Variants in HAVCR1 observed in about 807,000 individuals in gnomAD.
HAVCR1 encodes hepatitis A virus cellular receptor 1.
Under a neutral mutation model 32.0 loss-of-function variants are expected in HAVCR1, and 34 were observed. The ratio of observed to expected loss-of-function variants is 1.06; its 90% CI spans 0.81 to 1.42. The LOEUF is 1.42. Among genes scored for constraint, HAVCR1 ranks in the 40% most tolerant of loss-of-function variants. The pLI, the probability that HAVCR1 is intolerant of heterozygous loss-of-function variation, is 0.00. For synonymous variants in HAVCR1, 178 were observed against 170.3 expected, an observed-to-expected ratio of 1.05 and a Z score of -0.35; for missense variants, 420 against 442.3, an observed-to-expected ratio of 0.95 and a Z score of 0.45.
intron 2 of HAVCR1, among the ~76,000 whole-genome samples, chr5:157,057,412 AAAGAAAGAAAGAAAG>A (rs1756253089): frequency 7.4e-6 from 1 of 134,770 alleles, no homozygotes; most frequent in Non-Finnish European, 1.7e-5. Context: ...AGAAAGAAAG[AAAGAAAGAAAGAAAG>A]AAAGAAAGAA....
chr5:157,057,003 C>A (rs541363222), intron 2 of HAVCR1, among the ~76,000 whole-genome samples: 1 of 151,568 alleles, frequency 6.6e-6, no homozygotes, highest in Non-Finnish European at 1.5e-5. Context: ...CCCAGGAGGT[C>A]GAGGTTGCAG....
At position 157,029,425 on chromosome 5, in the gene HAVCR1, T is replaced by C; in HGVS notation, c.*308A>G. ...TTTCCAGGGACTATTCTCTTTGATGTATACAGGATTTATGGGGTCTAAAAA... is the reference window on the plus strand; with the variant it reads ...TTTCCAGGGACTATTCTCTTTGATGCATACAGGATTTATGGGGTCTAAAAA... On this transcript the variant is annotated 3_prime_UTR_variant, in exon 9 of 9. Coordinates refer to ENST00000523175, the MANE Select transcript of HAVCR1 (RefSeq NM_001173393.3). 1.7e-6 allele frequency: 1 copy of C among 602,086 alleles called. No individual in the cohort carries two copies. Among genetic ancestry groups the C allele is most frequent in the Non-Finnish European group, 2.9e-6 (1 of 342,248 alleles). 37.3% of individuals were successfully genotyped at this position (602,086 alleles called of 1,614,324 possible). A position where few individuals can be genotyped will look rare whatever the true frequency, so the allele number is the denominator to read the frequency against.
intron 5 of HAVCR1, among the ~76,000 whole-genome samples, chr5:157,047,458 G>A (rs12520950): frequency 0.013 from 1,928 of 152,172 alleles, 14 homozygotes; most frequent in African/African-American, 0.022. Flanking sequence ...AGCTGAGGCA[G>A]GAGAATTGCT....
chr5:157,052,571 T>C lies in HAVCR1; in HGVS notation c.463A>G (p.Thr155Ala). ...GTTGGAACAGTCGTCATTGGAACAG[T>C]CGTTGTCGTTGGAACAGTGGTGCTC... is the stretch of plus-strand genomic sequence containing the variant. Reference protein sequence around the residue: ...RTSTTVPTTTTVPMTTVPTTT... With the variant: ...RTSTTVPTTTAVPMTTVPTTT... Residue 155 changes from threonine (T) to alanine (A), a missense_variant, in exon 4 of 9, where the codon ACT (threonine) becomes GCT (alanine). Coordinates refer to ENST00000523175, the MANE Select transcript of HAVCR1 (RefSeq NM_001173393.3). 7.6e-7 allele frequency: 1 copy of C among 1,315,290 alleles called. No individual in the cohort carries two copies. Among genetic ancestry groups the C allele is most frequent in the East Asian group, 2.4e-5 (1 of 41,522 alleles). 81.5% of individuals were successfully genotyped at this position (1,315,290 alleles called of 1,614,324 possible).
chr5:157,032,763 G>A lies in HAVCR1; in HGVS notation c.986+91C>T, dbSNP rs563153494. On this transcript the variant is annotated intron_variant, in intron 8 of 8. Coordinates refer to ENST00000523175, the MANE Select transcript of HAVCR1 (RefSeq NM_001173393.3). ...TGGACTGTCAGGATCCAAGGTATGCGATGGAGAGTTTAGGAGAGAGACAGA... is the reference window on the plus strand; with the variant it reads ...TGGACTGTCAGGATCCAAGGTATGCAATGGAGAGTTTAGGAGAGAGACAGA... The A allele has an allele frequency of 2.3e-5, 18 of 790,256 alleles. 2 individuals are homozygous for A. The highest frequency in any genetic ancestry group is 2.3e-4 in the Middle Eastern group (1 of 4,436). 49.0% of individuals were successfully genotyped at this position (790,256 alleles called of 1,614,324 possible). A position where few individuals can be genotyped will look rare whatever the true frequency, so the allele number is the denominator to read the frequency against.
chr5:157,067,974 G>A, the HAVCR1 span, among the ~76,000 whole-genome samples: 5 of 148,540 alleles, frequency 3.4e-5, no homozygotes, highest in South Asian at 7.2e-4. Context: ...CACCACTCCC[G>A]GTGAGCAAGA....
chr5:157,056,334 C>G (rs918111237), intron 2 of HAVCR1, among the ~76,000 whole-genome samples: 1 of 151,410 alleles, frequency 6.6e-6, no homozygotes, highest in Non-Finnish European at 1.5e-5. Context: ...TCTATGCTAG[C>G]ATTCTTTTAA....
intron 5 of HAVCR1, among the ~76,000 whole-genome samples, chr5:157,044,613 A>AAGAAAGAAAGAAAGAAAGAAAGAG (rs1561591081): frequency 3.9e-5 from 1 of 25,544 alleles, no homozygotes; most frequent in African/African-American, 9.7e-5. Context: ...GAAAGAAAGA[A>AAGAAAGAAAGAAAGAAAGAAAGAG]AGAGAAAGAA....
At chr5:157,044,582 AGAAG>A (rs1358343419) in intron 5 of HAVCR1, among the ~76,000 whole-genome samples, 2 of 78,232 alleles carry the variant, frequency 2.6e-5, no homozygotes, top group African/African-American at 6.1e-5. Flanking sequence ...AGACAAAGAA[AGAAG>A]GAAAGAAAGA....
intron 6 of HAVCR1, among the ~76,000 whole-genome samples, chr5:157,038,032 A>AT (rs70984427): frequency 0.21 from 32,429 of 151,600 alleles, 4,131 homozygotes; most frequent in Admixed American, 0.32. Flanking sequence ...AGAAAAAAAA[A>AT]TTGTTTATAT....
At position 157,058,252 on chromosome 5, in the gene HAVCR1, G is replaced by GT. The variant is rs202228419; in HGVS notation, c.-12-298dup. 1.2e-3 allele frequency: 327 copies of GT among 282,754 alleles called. 5 individuals are homozygous for GT. In the East Asian group the frequency reaches 0.022, roughly 19 times the overall value. The allele number at this position is 282,754 out of a possible 1,614,324, so 17.5% of individuals were successfully genotyped here. ...AACTGACTCCTGGTCCTGATACAGGGTATCAGGGGAACAAACAAAAAGGAA... is the reference window on the plus strand; with the variant it reads ...AACTGACTCCTGGTCCTGATACAGGGTTATCAGGGGAACAAACAAAAAGGAA... On this transcript the variant is annotated intron_variant, in intron 1 of 8. Coordinates refer to ENST00000523175, the MANE Select transcript of HAVCR1 (RefSeq NM_001173393.3).
At chr5:157,055,590 G>A in intron 2 of HAVCR1, 57 bp from the exon 3 acceptor site, 3 of 1,102,000 alleles carry the variant, frequency 2.7e-6, no homozygotes, top group Non-Finnish European at 1.3e-6. Context: ...TCTTGGCTGG[G>A]CACAATGGCT....
intron 6 of HAVCR1, among the ~76,000 whole-genome samples, chr5:157,041,784 C>T (rs1036612196): frequency 3.3e-5 from 5 of 151,442 alleles, no homozygotes; most frequent in African/African-American, 4.9e-5. Flanking sequence ...CGGGCCCGGG[C>T]GCGGTGGCTC....
chr5:157,049,317 C>A (rs1247498398), intron 4 of HAVCR1, among the ~76,000 whole-genome samples, 172 bp from the exon 5 acceptor site: 1 of 152,234 alleles, frequency 6.6e-6, no homozygotes, highest in African/African-American at 2.4e-5. Flanking sequence ...CTGAACCTTT[C>A]GGCTCCTCTT....
intron 4 of HAVCR1, among the ~76,000 whole-genome samples, chr5:157,051,673 G>C (rs1469303914): frequency 1.3e-5 from 2 of 152,128 alleles, no homozygotes; most frequent in African/African-American, 2.4e-5. Context: ...TGGGACTAGA[G>C]GCATGCACCA....
chr5:157,053,165 C>A (rs931977562), intron 3 of HAVCR1, among the ~76,000 whole-genome samples: 11 of 151,744 alleles, frequency 7.2e-5, no homozygotes, highest in African/African-American at 2.4e-4. Context: ...GGTGGGTGGA[C>A]TACTTCAGCT....
At position 157,042,683 on chromosome 5, in the gene HAVCR1, C is replaced by T; in HGVS notation, c.782-1G>A. The stretch of plus-strand genomic sequence containing the variant: ...GACTCTGTCACGGTGTCATTCCCAT[C>T]TACTCAACAAGAAGGAAATTTAATT... On this transcript the variant is annotated splice_acceptor_variant, in intron 5 of 8. Coordinates refer to ENST00000523175, the MANE Select transcript of HAVCR1 (RefSeq NM_001173393.3). LOFTEE classifies it high-confidence loss of function. The T allele has an allele frequency of 6.4e-7, 1 of 1,559,856 alleles. No homozygotes were observed. Among genetic ancestry groups the T allele is most frequent in the Non-Finnish European group, 8.8e-7 (1 of 1,132,750 alleles).
At chr5:157,066,739 T>C in the HAVCR1 span, among the ~76,000 whole-genome samples, 1 of 152,094 alleles carries the variant, frequency 6.6e-6, no homozygotes, top group Non-Finnish European at 1.5e-5. Flanking sequence ...GGCACATATG[T>C]CTGGGGAAAC....
At chr5:157,065,183 G>T in the HAVCR1 span, among the ~76,000 whole-genome samples, 2 of 152,134 alleles carry the variant, frequency 1.3e-5, no homozygotes, top group Non-Finnish European at 2.9e-5. Flanking sequence ...GCCAGGCGTG[G>T]TGGCAGGTGC....
Sources: gnomAD v4.1 joint callset for allele counts (sites outside exome capture counted in the v4.1 genomes callset) on GRCh38, gnomAD v4.1.1 for gene constraint, MANE v1.5 for transcripts, NCBI Gene and HGNC (gene_info 2026-07-23, HGNC 2026-07-21) for gene names.